The following PGLYRP2 variants were observed in gnomAD, a reference collection of about 807,000 sequenced individuals.
The protein encoded by PGLYRP2 is N-acetylmuramoyl-L-alanine amidase.
PGLYRP2 carries 38 observed loss-of-function variants against 46.2 expected under a neutral mutation model. The observed-to-expected ratio is 0.82, with a 90% CI of 0.64 to 1.08. The LOEUF (loss-of-function observed/expected upper bound fraction) is 1.08, where lower values mean the gene tolerates loss of function less well. Ranked by LOEUF, PGLYRP2 falls within the 50% of genes least tolerant of loss-of-function variation. The pLI is 0.00. For synonymous variants in PGLYRP2, 289 were observed against 329.4 expected (o/e 0.88, Z 1.33); for missense variants, 713 against 755.9 (o/e 0.94, Z 0.67).
At position 15,475,843 on chromosome 19, in the gene PGLYRP2, G is replaced by C; in HGVS notation, c.827C>G (p.Ala276Gly). Residue 276 changes from alanine to glycine, a missense_variant, in exon 2 of 5, where the codon GCC becomes GGC. By Grantham distance (60) the Ala-to-Gly change is moderately conservative (BLOSUM62 0). Coordinates refer to ENST00000340880, the MANE Select transcript of PGLYRP2 (RefSeq NM_052890.4). ...GTCTCCAAGGATGACCCCATCCAGG[G>C]CGCCATTGAGGAAGGCCATGGTTAA... ...SLLTMAFLNG[A>G]LDGVILGDYL... The C allele has an allele frequency of 6.2e-7, 1 of 1,614,104 alleles. No homozygotes were observed. The highest frequency in any genetic ancestry group is 8.5e-7 in the Non-Finnish European group (1 of 1,180,036).
Position 15,469,872 on chromosome 19 carries a change from GC to G in PGLYRP2, c.1400del (p.Gly467AlafsTer16). On this transcript the variant is annotated frameshift_variant, in exon 4 of 5. Coordinates refer to ENST00000340880, the MANE Select transcript of PGLYRP2 (RefSeq NM_052890.4). LOFTEE classifies it high-confidence loss of function. The surrounding 1 kb of genome is among the most constrained non-coding windows in gnomAD (Gnocchi z 4.9). ...GGGAGTTGTGGCCGAGCGTGTGGGC[GC>G]CCACCCAGTGCCAGCCGCGTCCCTC... ...VYEGRGWHWV[G>X]AHTLGHNSRG... 1 of 1,495,440 alleles carries G rather than the reference GC, an allele frequency of 6.7e-7. No individual in the cohort carries two copies. 92.6% of individuals were successfully genotyped at this position (1,495,440 alleles called of 1,614,324 possible).
At chr19:15,470,231 G>GT (rs71176416) in intron 3 of PGLYRP2, among the ~76,000 whole-genome samples, 39,853 of 128,492 alleles carry the variant, frequency 0.31, 6,265 homozygotes, top group African/African-American at 0.34. Flanking sequence ...CTGTTTTTGG[G>GT]TTTTTTTTCT....
Position 15,479,388 on chromosome 19 carries a change from C to CT in PGLYRP2, c.-18dup, listed in dbSNP as rs771520287. 6.2e-7 allele frequency: 1 copy of CT among 1,613,402 alleles called. No homozygotes were observed. Among genetic ancestry groups the CT allele is most frequent in the Non-Finnish European group, 8.5e-7 (1 of 1,179,640 alleles). ...CTGGGCCATTGTTGCAGGATTCCAG[C>CT]TTCCAAGGGGTATTTCTGGTTGGCC... On this transcript the variant is annotated 5_prime_UTR_variant, in exon 1 of 5. Transcript: ENST00000340880.
At chr19:15,478,885 G>T (rs1348603318) in intron 1 of PGLYRP2, among the ~76,000 whole-genome samples, 1 of 152,066 alleles carries the variant, frequency 6.6e-6, no homozygotes, top group African/African-American at 2.4e-5. Context: ...ATCTCCCAAA[G>T]TGCTGGGATT....
chr19:15,469,855 T>C lies in PGLYRP2; in HGVS notation c.1418A>G (p.His473Arg), dbSNP rs1226370969. 6 of 1,512,310 alleles carry C rather than the reference T, an allele frequency of 4.0e-6. No individual in the cohort carries two copies. Among genetic ancestry groups the C allele is most frequent in the Non-Finnish European group, 5.3e-6 (6 of 1,141,158 alleles). 93.7% of individuals were successfully genotyped at this position (1,512,310 alleles called of 1,614,324 possible). Residue 473 changes from histidine (H) to arginine (R), a missense_variant, in exon 4 of 5, where the codon CAC (histidine) becomes CGC (arginine). Coordinates refer to ENST00000340880, the MANE Select transcript of PGLYRP2 (RefSeq NM_052890.4). This position sits in a 1 kb window ranked among gnomAD's most constrained non-coding sequence, Gnocchi z 4.9. ...WHWVGAHTLG[H>R]NSRGFGVAIV... The stretch of plus-strand genomic sequence containing the variant: ...GGCCACGCCGAAGCCCCGGGAGTTG[T>C]GGCCGAGCGTGTGGGCGCCCACCCA...
rs369142920 is a variant in PGLYRP2, at chr19:15,476,356, C to G, written c.314G>C (p.Gly105Ala). 1.1e-5 allele frequency: 18 copies of G among 1,614,032 alleles called. No homozygotes were observed. The highest frequency in any genetic ancestry group is 1.5e-5 in the Non-Finnish European group (18 of 1,180,024). The change falls in exon 2 of 5, where the codon GGG (glycine) becomes GCG (alanine). Residue 105 changes from glycine (G) to alanine (A), a missense_variant. By Grantham distance (60) the Gly-to-Ala change is moderately conservative (BLOSUM62 0). Transcript: ENST00000340880. ...KEVARHDVREGKEYGVVLAPD... is the reference protein window; with the variant it reads ...KEVARHDVREAKEYGVVLAPD... The stretch of plus-strand genomic sequence containing the variant: ...TGCCAGCACCACCCCATATTCCTTC[C>G]CTTCTCGTACGTCATGTCGGGCCAC...
chr19:15,469,374 G>A lies in PGLYRP2; in HGVS notation c.1641+258C>T, dbSNP rs549237816. ...GGCTGGAAAGGTAGAGGTATTAGGA[G>A]CTGGGGAAAGGACAGGCTGGCTGGG... On this transcript the variant is annotated intron_variant, in intron 4 of 4. Transcript: ENST00000340880. This position sits in a 1 kb window ranked among gnomAD's most constrained non-coding sequence, Gnocchi z 4.9. The A allele has an allele frequency of 2.9e-6, 2 of 699,410 alleles. No homozygotes were observed. Among genetic ancestry groups the A allele is most frequent in the South Asian group, 1.5e-5 (1 of 66,010 alleles). The allele number at this position is 699,410 out of a possible 1,614,324, so 43.3% of individuals were successfully genotyped here.
In PGLYRP2 at chr19:15,476,649, C is replaced by T. The variant is rs774529988; in HGVS notation, c.62-41G>A. The T allele has an allele frequency of 4.1e-6, 6 of 1,471,932 alleles. No homozygotes were observed. The African/African-American group carries it at 8.4e-5, about 21-fold the overall frequency. 91.2% of individuals were successfully genotyped at this position (1,471,932 alleles called of 1,614,324 possible). ...ATGTGTTAGCCCAGCCCCACCCATT[C>T]CTGAGCCTCCTTGTATTGATTCCAC... On this transcript the variant is annotated intron_variant, in intron 1 of 4. Transcript: ENST00000340880.
intron 2 of PGLYRP2, among the ~76,000 whole-genome samples, chr19:15,472,449 G>C (rs1308580584): frequency 6.6e-6 from 1 of 151,696 alleles, no homozygotes; most frequent in Admixed American, 6.6e-5. Context: ...AATCAACCAG[G>C]CATGGTGGCA....
rs1970801377 is a variant in PGLYRP2 at position 15,476,699 on chromosome 19, C to T, written c.62-91G>A. 4 of 1,074,154 alleles carry T rather than the reference C, an allele frequency of 3.7e-6. No individual in the cohort carries two copies. In the Admixed American group the frequency reaches 1.1e-4, roughly 30 times the overall value. 66.5% of individuals were successfully genotyped at this position (1,074,154 alleles called of 1,614,324 possible). ...CATCTACCCAATGCTCCCAGCCCTCCATCTGATAACCCCATGACCCCCAAC... is the reference window on the plus strand; with the variant it reads ...CATCTACCCAATGCTCCCAGCCCTCTATCTGATAACCCCATGACCCCCAAC... On this transcript the variant is annotated intron_variant, in intron 1 of 4. Coordinates refer to ENST00000340880, the MANE Select transcript of PGLYRP2 (RefSeq NM_052890.4).
chr19:15,471,813 C>T (rs946721242), intron 3 of PGLYRP2, 77 bp downstream of exon 3: 4 of 1,490,998 alleles, frequency 2.7e-6, no homozygotes, highest in Non-Finnish European at 2.7e-6. Flanking sequence ...AGCCCGGTCC[C>T]CTGCATCAGG....
Position 15,472,094 on chromosome 19 carries a change from G to T in PGLYRP2, c.1139C>A (p.Pro380Gln). 6.2e-7 allele frequency: 1 copy of T among 1,600,750 alleles called. No individual in the cohort carries two copies. ...CCAGCGGCAGCGGGGGTGGATGGCCGGGCATCCTACAGGCAAGGGGGTTGA... is the reference window on the plus strand; with the variant it reads ...CCAGCGGCAGCGGGGGTGGATGGCCTGGCATCCTACAGGCAAGGGGGTTGA... ...KEFTEAFLGC[P>Q]AIHPRCRWGA... The change falls in exon 3 of 5, where the codon CCG becomes CAG. Residue 380 changes from proline (P) to glutamine (Q), a missense_variant. Transcript: ENST00000340880.
At chr19:15,478,517 C>T (rs959117) in intron 1 of PGLYRP2, among the ~76,000 whole-genome samples, 84,330 of 151,934 alleles carry the variant, frequency 0.56, 23,763 homozygotes, top group East Asian at 0.82. Flanking sequence ...TATAGAAGCA[C>T]AAAGGGACTA....
At position 15,474,337 on chromosome 19, in the gene PGLYRP2, AAAAACAAAAC is replaced by A. The variant is rs575386144; in HGVS notation, c.1132+1191_1132+1200del. ...GGGAGACAAGAGTGAAACTCTGTCT[AAAAACAAAAC>A]AAAACAAAACAAAACAAAAAAAATA... On this transcript the variant is annotated intron_variant, in intron 2 of 4. Transcript: ENST00000340880. Among the ~76,000 whole-genome samples the A allele has an allele frequency of 1.9e-4, 29 of 152,240 alleles. No homozygotes were observed. The Middle Eastern group carries it at 0.01, about 54-fold the overall frequency.
intron 1 of PGLYRP2, 91 bp downstream of exon 1, chr19:15,479,220 C>A: frequency 7.4e-7 from 1 of 1,352,430 alleles, no homozygotes; most frequent in Non-Finnish European, 1.1e-6. Flanking sequence ...TCTCCAGCCT[C>A]ACTCCATGCA....
intron 2 of PGLYRP2, 140 bp downstream of exon 2, chr19:15,475,398 G>T: frequency 1.3e-6 from 1 of 764,042 alleles, no homozygotes; most frequent in Non-Finnish European, 2.1e-6. Context: ...CCTCACCTGT[G>T]CAGCTGTCCC....
At chr19:15,472,681 C>A (rs1353580828) in intron 2 of PGLYRP2, among the ~76,000 whole-genome samples, 1 of 152,158 alleles carries the variant, frequency 6.6e-6, no homozygotes, top group Non-Finnish European at 1.5e-5. Flanking sequence ...GGGTGGATTG[C>A]TTGAGCCCAG....
chr19:15,469,623 A>G lies in PGLYRP2; in HGVS notation c.1641+9T>C, dbSNP rs1001066133. The G allele has an allele frequency of 5.1e-6, 8 of 1,576,650 alleles. No homozygotes were observed. Among genetic ancestry groups the G allele is most frequent in the South Asian group, 1.1e-5 (1 of 87,668 alleles). On this transcript the variant is annotated intron_variant, in intron 4 of 4. Coordinates refer to ENST00000340880, the MANE Select transcript of PGLYRP2 (RefSeq NM_052890.4). The surrounding 1 kb of genome is among the most constrained non-coding windows in gnomAD (Gnocchi z 4.9). ...GGCGGGCCGTGTAGTGCAGGCTGCG[A>G]AGACTCACCGCGGTGAAGTGCGGCC...
chr19:15,473,904 T>C (rs1259752646), intron 2 of PGLYRP2, among the ~76,000 whole-genome samples: 1 of 151,672 alleles, frequency 6.6e-6, no homozygotes. Flanking sequence ...CAAAAGACAT[T>C]AATAGACATT....
Sources: allele counts gnomAD v4.1 joint callset (sites outside exome capture counted in the v4.1 genomes callset), GRCh38; gene constraint gnomAD v4.1.1; non-coding constraint Gnocchi (gnomAD v3.1); transcripts MANE v1.5; gene names NCBI Gene and HGNC (gene_info 2026-07-23, HGNC 2026-07-21).